The following UNC5D variants were observed in gnomAD, a reference collection of about 807,000 sequenced individuals.
UNC5D encodes netrin receptor UNC5D.
UNC5D carries 39 observed loss-of-function variants against 105.4 expected under a neutral mutation model. The ratio of observed to expected loss-of-function variants is 0.37; its 90% CI spans 0.29 to 0.48. UNC5D has a LOEUF of 0.48. UNC5D is among the 20% of genes least tolerant of loss of function. UNC5D has a pLI of 0.98. For synonymous variants in UNC5D, 452 were observed against 450.4 expected (o/e 1.00, Z -0.04); for missense variants, 991 against 1,202.4 (o/e 0.82, Z 2.60).
chr8:35,621,220 T>C (rs1236830699), intron 4 of UNC5D, among the ~76,000 whole-genome samples: 1 of 152,192 alleles, frequency 6.6e-6, no homozygotes, highest in African/African-American at 2.4e-5. Context: ...GGCTGTCATA[T>C]AGCAGGTGCT....
At chr8:35,599,228 A>G (rs1819685156) in intron 4 of UNC5D, among the ~76,000 whole-genome samples, 1 of 145,674 alleles carries the variant, frequency 6.9e-6, no homozygotes, top group Non-Finnish European at 1.5e-5. Context: ...AGATGGGGAG[A>G]GGTTGAGGAG....
chr8:35,249,720 C>A (rs141938697), intron 1 of UNC5D, among the ~76,000 whole-genome samples: 33 of 152,132 alleles, frequency 2.2e-4, no homozygotes, highest in Non-Finnish European at 1.3e-4. Flanking sequence ...CTGTATAGAG[C>A]TTATGAAACT....
intron 3 of UNC5D, among the ~76,000 whole-genome samples, chr8:35,571,407 A>G (rs1447978011): frequency 6.6e-6 from 1 of 152,184 alleles, no homozygotes; most frequent in Non-Finnish European, 1.5e-5. Context: ...AGCAAGTGAG[A>G]GGTTTTTTAA....
At chr8:35,540,415 G>A (rs1274931993) in intron 1 of UNC5D, among the ~76,000 whole-genome samples, 1 of 150,786 alleles carries the variant, frequency 6.6e-6, no homozygotes, top group Non-Finnish European at 1.5e-5. Flanking sequence ...AGTTTATGAA[G>A]CCCTTTATAT....
intron 4 of UNC5D, among the ~76,000 whole-genome samples, chr8:35,660,283 G>A (rs1168380114): frequency 6.6e-6 from 1 of 152,168 alleles, no homozygotes; most frequent in Non-Finnish European, 1.5e-5. Context: ...CCTAGAGCTG[G>A]TCTTATAAAA....
chr8:35,781,504 G>A (rs186761809), intron 16 of UNC5D, among the ~76,000 whole-genome samples: 402 of 152,186 alleles, frequency 2.6e-3, no homozygotes, highest in African/African-American at 8.9e-3. Flanking sequence ...AGAAAAGACA[G>A]GCATGCCAAA....
intron 1 of UNC5D, among the ~76,000 whole-genome samples, chr8:35,368,628 T>C (rs1271602196): frequency 2.0e-5 from 3 of 151,042 alleles, no homozygotes; most frequent in Admixed American, 6.6e-5. Flanking sequence ...GTATTATGTC[T>C]CTTATATATT....
intron 1 of UNC5D, among the ~76,000 whole-genome samples, chr8:35,501,758 C>A (rs977643178): frequency 9.2e-5 from 14 of 152,264 alleles, no homozygotes; most frequent in Admixed American, 2.0e-4. Context: ...ATATAAAATT[C>A]CCATGAGCCT....
At chr8:35,687,468 T>C (rs1299733753) in intron 7 of UNC5D, among the ~76,000 whole-genome samples, 1 of 147,488 alleles carries the variant, frequency 6.8e-6, no homozygotes, top group African/African-American at 2.5e-5. Context: ...AAAAAAGTTA[T>C]GGGGAAAGGA....
At chr8:35,372,160 G>A (rs1298445053) in intron 1 of UNC5D, among the ~76,000 whole-genome samples, 1 of 152,104 alleles carries the variant, frequency 6.6e-6, no homozygotes, top group Non-Finnish European at 1.5e-5. Flanking sequence ...GTCTTACTCG[G>A]TCACCTAGGC....
chr8:35,769,964 G>A (rs937053658), intron 15 of UNC5D, among the ~76,000 whole-genome samples: 1 of 151,976 alleles, frequency 6.6e-6, no homozygotes, highest in East Asian at 1.9e-4. Flanking sequence ...GTCTCAAAAA[G>A]AAAAGAAAAC....
chr8:35,475,840 C>T (rs1055253978), intron 1 of UNC5D, among the ~76,000 whole-genome samples: 5 of 152,090 alleles, frequency 3.3e-5, no homozygotes, highest in Non-Finnish European at 7.4e-5. Flanking sequence ...GTTTGCCACC[C>T]GTGTTAAACT....
intron 1 of UNC5D, among the ~76,000 whole-genome samples, chr8:35,304,660 T>C (rs930177575): frequency 6.6e-6 from 1 of 152,136 alleles, no homozygotes; most frequent in Admixed American, 6.6e-5. Flanking sequence ...ATTAAAAGAC[T>C]GTAATAATTT....
chr8:35,323,211 A>G (rs1354008502), intron 1 of UNC5D, among the ~76,000 whole-genome samples: 2 of 134,766 alleles, frequency 1.5e-5, no homozygotes, highest in South Asian at 4.5e-4. Context: ...TTTTTTTCAC[A>G]TGAATGGAAC....
intron 4 of UNC5D, among the ~76,000 whole-genome samples, chr8:35,600,335 T>G (rs1035934507): frequency 2.0e-5 from 3 of 152,164 alleles, no homozygotes; most frequent in Admixed American, 6.6e-5. Flanking sequence ...GGATGGCTGG[T>G]TGAAATGGTA....
intron 1 of UNC5D, among the ~76,000 whole-genome samples, chr8:35,513,715 C>CT (rs1378887349): frequency 6.6e-6 from 1 of 152,056 alleles, no homozygotes; most frequent in African/African-American, 2.4e-5. Flanking sequence ...ATTTTGTCTC[C>CT]TTTTTTTGCT....
At chr8:35,567,348 A>G (rs573568079) in intron 2 of UNC5D, among the ~76,000 whole-genome samples, 5 of 152,184 alleles carry the variant, frequency 3.3e-5, no homozygotes, top group Admixed American at 6.5e-5. Flanking sequence ...TACATATTGT[A>G]TACATGTATC....
At chr8:35,717,893 C>T (rs985511472) in intron 8 of UNC5D, among the ~76,000 whole-genome samples, 2 of 152,206 alleles carry the variant, frequency 1.3e-5, no homozygotes, top group Non-Finnish European at 2.9e-5. Context: ...CACTTTAAGG[C>T]TCCCTTGTCT....
At position 35,766,992 on chromosome 8, in the gene UNC5D, C is replaced by G. The variant is rs747052973; in HGVS notation, c.2404C>G (p.Leu802Val). 3 of 1,614,088 alleles carry G rather than the reference C, an allele frequency of 1.9e-6. No homozygotes were observed. Among genetic ancestry groups the G allele is most frequent in the Non-Finnish European group, 2.5e-6 (3 of 1,179,968 alleles). ...LERYTPTTTQ[L>V]SCKICIRQLK... ...GCGTTATACGCCCACTACCACCCAG[C>G]TGTCCTGCAAAATCTGCATTCGGCA... is the stretch of plus-strand genomic sequence containing the variant. The change falls in exon 15 of 17, where the codon CTG becomes GTG. Residue 802 changes from leucine to valine, a missense_variant. By Grantham distance (32) the Leu-to-Val change is conservative (BLOSUM62 1). This residue lies in a region of UNC5D where 944 missense variants were observed against 1,131.6 expected (regional missense o/e 0.83). Coordinates refer to ENST00000404895, the MANE Select transcript of UNC5D (RefSeq NM_080872.4).
Sources: gnomAD v4.1 joint callset for allele counts (sites outside exome capture counted in the v4.1 genomes callset) on GRCh38, gnomAD v4.1.1 for gene constraint, gnomAD v4.1.1 regional missense constraint, MANE v1.5 for transcripts, NCBI Gene and HGNC (gene_info 2026-07-23, HGNC 2026-07-21) for gene names.